Variants in C1orf94 observed in about 807,000 individuals in gnomAD.
C1orf94 encodes chromosome 1 open reading frame 94.
C1orf94 carries 45 observed loss-of-function variants against 53.6 expected under a neutral mutation model. The observed-to-expected ratio is 0.84, with a 90% CI of 0.66 to 1.08. C1orf94 has a LOEUF of 1.08. Among genes scored for constraint, C1orf94 ranks in the 50% least tolerant of loss-of-function variants. The probability of loss-of-function intolerance (pLI) is 0.00; values close to 1 mark genes in which losing one functional copy is unlikely to be tolerated. For missense variants in C1orf94, 762 were observed against 738.9 expected (o/e 1.03, Z -0.36); for synonymous variants, 304 against 296.1 (o/e 1.03, Z -0.27).
In C1orf94 at chr1:34,218,289, T is replaced by C. The variant is rs1643022426; in HGVS notation, c.1722-397T>C. Among the ~76,000 whole-genome samples the C allele has an allele frequency of 2.0e-5, 3 of 152,272 alleles. 1 individual carries two copies. In the South Asian group the frequency reaches 6.2e-4, roughly 32 times the overall value. Reference sequence around the variant, plus strand: ...CTGGACTTGCCTCTAAGTTCTCTGATGTTGTAGATTTTCCTGAGGGACATG... The same window carrying C: ...CTGGACTTGCCTCTAAGTTCTCTGACGTTGTAGATTTTCCTGAGGGACATG... On this transcript the variant is annotated intron_variant, in intron 6 of 6. Coordinates refer to ENST00000488417, the MANE Select transcript of C1orf94 (RefSeq NM_001134734.2).
At chr1:34,182,726 A>C (rs1450680371) in intron 1 of C1orf94, among the ~76,000 whole-genome samples, 2 of 152,178 alleles carry the variant, frequency 1.3e-5, no homozygotes, top group African/African-American at 4.8e-5. Context: ...GGGGGCATGC[A>C]TCACTATCAA....
At chr1:34,215,555 G>A (rs1642971261) in intron 6 of C1orf94, among the ~76,000 whole-genome samples, 1 of 152,168 alleles carries the variant, frequency 6.6e-6, no homozygotes, top group Non-Finnish European at 1.5e-5. Context: ...AGTGACCCTG[G>A]GAAAGGGGGC....
chr1:34,190,147 G>A (rs574968852), intron 1 of C1orf94, among the ~76,000 whole-genome samples: 2 of 152,264 alleles, frequency 1.3e-5, no homozygotes, highest in South Asian at 2.1e-4. Flanking sequence ...CCTCATGGTT[G>A]TGGTGGGGAC....
intron 1 of C1orf94, among the ~76,000 whole-genome samples, chr1:34,194,247 G>A (rs1217091272): frequency 6.6e-6 from 1 of 152,234 alleles, no homozygotes; most frequent in Non-Finnish European, 1.5e-5. Context: ...CACCCAGCTT[G>A]TGCTAAGTGT....
intron 5 of C1orf94, among the ~76,000 whole-genome samples, chr1:34,211,197 C>T (rs2148622653): frequency 6.6e-6 from 1 of 152,198 alleles, no homozygotes; most frequent in South Asian, 2.1e-4. Flanking sequence ...TAACGAGCCC[C>T]CCATCATTTA....
intron 4 of C1orf94, among the ~76,000 whole-genome samples, chr1:34,204,758 G>C (rs374992549): frequency 1.3e-5 from 2 of 152,218 alleles, no homozygotes; most frequent in South Asian, 2.1e-4. Context: ...GTCAGGTGTG[G>C]TGGCATGTGC....
chr1:34,200,761 T>C lies in C1orf94; in HGVS notation c.1010-11T>C. On this transcript the variant is annotated splice_polypyrimidine_tract_variant and intron_variant, in intron 2 of 6. Coordinates refer to ENST00000488417, the MANE Select transcript of C1orf94 (RefSeq NM_001134734.2). ...TCCAGAGGCATTGACTCAGTTTCTT[T>C]CCTGCTACAGAATGGAGCCCTGGCA... The C allele has an allele frequency of 6.2e-7, 1 of 1,613,760 alleles. No individual in the cohort carries two copies. Among genetic ancestry groups the C allele is most frequent in the Non-Finnish European group, 8.5e-7 (1 of 1,179,822 alleles).
chr1:34,208,832 C>T (rs1255474969), intron 5 of C1orf94, among the ~76,000 whole-genome samples: 1 of 152,088 alleles, frequency 6.6e-6, no homozygotes, highest in African/African-American at 2.4e-5. Context: ...CTCTGAAATC[C>T]TCAACTCAGA....
chr1:34,216,427 A>T (rs1642989301), intron 6 of C1orf94, among the ~76,000 whole-genome samples: 2 of 152,108 alleles, frequency 1.3e-5, no homozygotes, highest in African/African-American at 4.8e-5. Context: ...GGGAAAGTGG[A>T]GTGCAGGAAG....
intron 4 of C1orf94, among the ~76,000 whole-genome samples, chr1:34,206,721 T>G (rs1360116840): frequency 6.6e-6 from 1 of 152,118 alleles, no homozygotes; most frequent in Non-Finnish European, 1.5e-5. Flanking sequence ...ACACCATCAG[T>G]CTCACTGCTC....
At chr1:34,211,171 T>C (rs1482038825) in intron 5 of C1orf94, among the ~76,000 whole-genome samples, 1 of 152,192 alleles carries the variant, frequency 6.6e-6, no homozygotes, top group Non-Finnish European at 1.5e-5. Context: ...AGTAGTGGAA[T>C]GTAGTGCTCA....
chr1:34,201,077 A>G (rs2148619047), intron 3 of C1orf94, 45 bp downstream of exon 3: 1 of 1,549,272 alleles, frequency 6.5e-7, no homozygotes, highest in South Asian at 1.2e-5. Flanking sequence ...AGGGGGTTGC[A>G]GTGACCCTCA....
intron 1 of C1orf94, among the ~76,000 whole-genome samples, chr1:34,169,779 G>A (rs1259371642): frequency 6.6e-6 from 1 of 152,204 alleles, no homozygotes; most frequent in Non-Finnish European, 1.5e-5. Flanking sequence ...AAAATCATGA[G>A]CATGATCAGG....
intron 1 of C1orf94, among the ~76,000 whole-genome samples, chr1:34,190,071 ACATCTTTT>A (rs1642458221): frequency 6.6e-6 from 1 of 152,176 alleles, no homozygotes; most frequent in African/African-American, 2.4e-5. Flanking sequence ...CAATTTGAGT[ACATCTTTT>A]AACCTTCCTG....
intron 1 of C1orf94, among the ~76,000 whole-genome samples, chr1:34,189,032 T>C (rs1642435449): frequency 6.6e-6 from 1 of 152,002 alleles, no homozygotes; most frequent in African/African-American, 2.4e-5. Flanking sequence ...GTGGTTTGTG[T>C]GTTTGTGTGT....
chr1:34,192,659 G>A (rs1557481594), intron 1 of C1orf94, among the ~76,000 whole-genome samples: 2 of 152,112 alleles, frequency 1.3e-5, no homozygotes. Flanking sequence ...TACAAACGCT[G>A]TGAAGAAAAT....
At chr1:34,196,134 G>A (rs1201196602) in intron 1 of C1orf94, among the ~76,000 whole-genome samples, 1 of 152,202 alleles carries the variant, frequency 6.6e-6, no homozygotes, top group African/African-American at 2.4e-5. Flanking sequence ...TTCTAGGCTG[G>A]TGGCTCTTGT....
chr1:34,186,365 C>T (rs1384492723), intron 1 of C1orf94, among the ~76,000 whole-genome samples: 1 of 152,180 alleles, frequency 6.6e-6, no homozygotes, highest in African/African-American at 2.4e-5. Flanking sequence ...GAGAAGGACT[C>T]GATGTTCATC....
chr1:34,196,247 C>T (rs1043504847), intron 1 of C1orf94, among the ~76,000 whole-genome samples: 6 of 152,224 alleles, frequency 3.9e-5, no homozygotes, highest in South Asian at 2.1e-4. Flanking sequence ...GAAGTGGCAA[C>T]GAGGAGCCTA....
Sources: gnomAD v4.1 joint callset for allele counts (sites outside exome capture counted in the v4.1 genomes callset) on GRCh38, gnomAD v4.1.1 for gene constraint, MANE v1.5 for transcripts, NCBI Gene and HGNC (gene_info 2026-07-23, HGNC 2026-07-21) for gene names.